The following NRXN1 variants were observed in gnomAD, a reference collection of about 807,000 sequenced individuals.
NRXN1 encodes the protein neurexin-1.
NRXN1 carries 39 observed loss-of-function variants against 150.9 expected under a neutral mutation model. That is an observed-to-expected ratio of 0.26 (90% CI 0.20 to 0.34). The LOEUF (loss-of-function observed/expected upper bound fraction) is 0.34. Ranked by LOEUF, NRXN1 falls within the 10% of genes least tolerant of loss-of-function variation. The pLI is 1.00. For synonymous variants in NRXN1, 924 were observed against 757.0 expected (o/e 1.22, Z -3.62); for missense variants, 1,815 against 1,949.9 (o/e 0.93, Z 1.30).
rs1553965102 is a variant in NRXN1, at chr2:50,683,646, A to AT, written c.833-60032_833-60031insA. Among the ~76,000 whole-genome samples, 14 of 14,906 alleles carry AT rather than the reference A, an allele frequency of 9.4e-4. 2 individuals carry two copies. The highest frequency in any genetic ancestry group is 6.2e-3 in the South Asian group (1 of 162). The allele number at this position is 14,906 out of a possible 152,430, so 9.8% of individuals were successfully genotyped here. On this transcript the variant is annotated intron_variant, in intron 5 of 22. Transcript: ENST00000401669. Reference sequence around the variant, plus strand: ...GACTCCGTCTCAAAAAAAAAAAAAAAATATATATATATATATATATGTTAT... The same window carrying AT: ...GACTCCGTCTCAAAAAAAAAAAAAAATATATATATATATATATATATGTTAT...
chr2:50,805,572 A>G (rs2105726883), intron 5 of NRXN1, among the ~76,000 whole-genome samples: 2 of 152,166 alleles, frequency 1.3e-5, no homozygotes, highest in Middle Eastern at 3.4e-3. Flanking sequence ...CCCAGGAGGC[A>G]GAGGTTGCAG....
intron 21 of NRXN1, among the ~76,000 whole-genome samples, chr2:50,036,774 T>G (rs1000588896): frequency 6.6e-6 from 1 of 152,162 alleles, no homozygotes; most frequent in African/African-American, 2.4e-5. Flanking sequence ...AAATTCCATT[T>G]TCACTCATGG....
intron 5 of NRXN1, among the ~76,000 whole-genome samples, chr2:50,814,406 A>C (rs1668640397): frequency 6.6e-6 from 1 of 151,924 alleles, no homozygotes; most frequent in Non-Finnish European, 1.5e-5. Flanking sequence ...AAACCCTGTG[A>C]ATCTACTGTA....
chr2:50,112,194 C>T (rs1181700478), intron 18 of NRXN1, among the ~76,000 whole-genome samples: 1 of 152,198 alleles, frequency 6.6e-6, no homozygotes, highest in Non-Finnish European at 1.5e-5. Context: ...GATCTCCCAT[C>T]TGTGTTGCCT....
chr2:50,521,864 T>C (rs1056413661), intron 12 of NRXN1, among the ~76,000 whole-genome samples: 1 of 152,188 alleles, frequency 6.6e-6, no homozygotes, highest in Non-Finnish European at 1.5e-5. Context: ...AACTGGATCA[T>C]CTGCCACCAA....
In NRXN1 at chr2:50,919,468, AG is replaced by A. The variant is rs200881494; in HGVS notation, c.832+2400del. ...CATAAAGAAGAAATCAAAATAATGA[AG>A]ATGTTCTTGAATTTATTTTTTTATA... On this transcript the variant is annotated intron_variant, in intron 5 of 22. Coordinates refer to ENST00000401669, the MANE Select transcript of NRXN1 (RefSeq NM_001330078.2). 4.3e-4 allele frequency: 65 copies of A among 151,822 alleles called. No homozygotes were observed. In the East Asian group the frequency reaches 0.012, roughly 29 times the overall value. 9.4% of individuals were successfully genotyped at this position (151,822 alleles called of 1,614,324 possible). A position where few individuals can be genotyped will look rare whatever the true frequency, so the allele number is the denominator to read the frequency against.
At chr2:50,826,608 T>C (rs1348772539) in intron 5 of NRXN1, among the ~76,000 whole-genome samples, 1 of 152,146 alleles carries the variant, frequency 6.6e-6, no homozygotes, top group Non-Finnish European at 1.5e-5. Flanking sequence ...TGTATGTTTG[T>C]GTTTTAAAGT....
intron 5 of NRXN1, chr2:50,632,395 AG>A (rs1277030009): frequency 6.6e-6 from 1 of 152,090 alleles, no homozygotes; most frequent in Admixed American, 6.6e-5. Context: ...GAATTTTCAC[AG>A]GGAAGAAGAA....
chr2:50,508,191 G>A lies in NRXN1; in HGVS notation c.2375-1574C>T, dbSNP rs2092319238. On this transcript the variant is annotated intron_variant, in intron 12 of 22. Transcript: ENST00000401669. ...GGCTGGTGTATCTCAGGTTAGAAAT[G>A]AGCCAGTGATATGAGCTAAATTTTA... is the stretch of plus-strand genomic sequence containing the variant. 2.0e-5 allele frequency among the ~76,000 whole-genome samples: 3 copies of A among 152,202 alleles called. No homozygotes were observed. The South Asian group carries it at 6.2e-4, about 32-fold the overall frequency.
intron 17 of NRXN1, 79 bp downstream of exon 17, chr2:50,465,363 T>C: frequency 7.2e-7 from 1 of 1,386,990 alleles, no homozygotes; most frequent in Non-Finnish European, 9.7e-7. Context: ...ATATAAGGAC[T>C]TTCAGTGTTA....
At chr2:51,004,928 C>T (rs750482468) in intron 2 of NRXN1, among the ~76,000 whole-genome samples, 9 of 151,904 alleles carry the variant, frequency 5.9e-5, no homozygotes, top group Non-Finnish European at 1.2e-4. Flanking sequence ...TATAGTAAAA[C>T]TTAATGAATG....
rs201070863 is a variant in NRXN1, at chr2:50,495,955, G to T, written c.3020C>A (p.Thr1007Lys). 6.2e-7 allele frequency: 1 copy of T among 1,610,792 alleles called. No individual in the cohort carries two copies. Reference protein sequence around the residue: ...TSNLHTVKIDTKITTQITAGA... With the variant: ...TSNLHTVKIDKKITTQITAGA... ...GGCGGTGATTTGCGTTGTGATTTTT[G>T]TGTCAATCTTTACAGTGTGGAGGTT... is the stretch of plus-strand genomic sequence containing the variant. Residue 1007 changes from threonine to lysine, a missense_variant, in exon 15 of 23, where the codon ACA (threonine) becomes AAA (lysine). This residue lies in a region of NRXN1 where 339 missense variants were observed against 440.3 expected (regional missense o/e 0.77). Coordinates refer to ENST00000401669, the MANE Select transcript of NRXN1 (RefSeq NM_001330078.2).
chr2:50,688,441 C>T (rs1691578564), intron 5 of NRXN1, among the ~76,000 whole-genome samples: 4 of 152,126 alleles, frequency 2.6e-5, no homozygotes, highest in African/African-American at 9.7e-5. Context: ...TTTTTATGTC[C>T]TCTCTCAGTG....
At chr2:50,465,014 G>C (rs2088667819) in intron 17 of NRXN1, among the ~76,000 whole-genome samples, 3 of 151,570 alleles carry the variant, frequency 2.0e-5, no homozygotes, top group African/African-American at 4.8e-5. Context: ...GGCAGCAATG[G>C]GCTTAAAGAG....
intron 16 of NRXN1, among the ~76,000 whole-genome samples, chr2:50,469,767 G>T (rs560913255): frequency 4.0e-5 from 6 of 150,836 alleles, no homozygotes; most frequent in African/African-American, 7.3e-5. Context: ...AAAAAAAGGG[G>T]TGTCAGGGTG....
At chr2:50,586,355 C>T (rs1673095700) in intron 8 of NRXN1, among the ~76,000 whole-genome samples, 3 of 152,040 alleles carry the variant, frequency 2.0e-5, no homozygotes, top group African/African-American at 7.2e-5. Flanking sequence ...TAATTATTTC[C>T]ACAGTAATAA....
At chr2:50,473,604 T>A (rs546405862) in intron 15 of NRXN1, among the ~76,000 whole-genome samples, 47 of 152,028 alleles carry the variant, frequency 3.1e-4, no homozygotes, top group Non-Finnish European at 4.4e-4. Flanking sequence ...GAACTTTCTT[T>A]CTCATGTTAA....
chr2:50,327,636 T>C (rs1023952857), intron 17 of NRXN1, among the ~76,000 whole-genome samples: 16 of 151,180 alleles, frequency 1.1e-4, no homozygotes, highest in Non-Finnish European at 3.0e-5. Context: ...CCTCCCTTCC[T>C]TCCTTTCCTC....
chr2:50,697,963 G>A (rs1394685500), intron 5 of NRXN1, among the ~76,000 whole-genome samples: 3 of 152,054 alleles, frequency 2.0e-5, no homozygotes, highest in East Asian at 1.9e-4. Context: ...AGCCAATTTC[G>A]TTAATCTGGC....
Sources: gnomAD v4.1 joint callset for allele counts (sites outside exome capture counted in the v4.1 genomes callset) on GRCh38, gnomAD v4.1.1 for gene constraint, gnomAD v4.1.1 regional missense constraint, MANE v1.5 for transcripts, NCBI Gene and HGNC (gene_info 2026-07-23, HGNC 2026-07-21) for gene names.